ZKSCAN3: variants seen among roughly 807,000 people sequenced by gnomAD.
ZKSCAN3 encodes zinc finger protein with KRAB and SCAN domains 3.
Under a neutral mutation model 30.7 loss-of-function variants are expected in ZKSCAN3, and 21 were observed. The ratio of observed to expected loss-of-function variants is 0.68; its 90% confidence interval spans 0.49 to 0.99. The LOEUF is 0.99. Among genes scored for constraint, ZKSCAN3 ranks in the 50% least tolerant of loss-of-function variants. ZKSCAN3 has a pLI of 0.00. For synonymous variants in ZKSCAN3, 201 were observed against 246.7 expected, an observed-to-expected ratio of 0.81 and a Z score of 1.73; for missense variants, 507 against 647.1, an observed-to-expected ratio of 0.78 and a Z score of 2.35.
Position 28,367,853 on chromosome 6 carries a change from G to C in ZKSCAN3, c.*1568G>C, listed in dbSNP as rs1766028676. The C allele has an allele frequency of 6.6e-6, 1 of 150,942 alleles. No individual in the cohort carries two copies. The highest frequency in any genetic ancestry group is 6.6e-5 in the Admixed American group (1 of 15,088). 9.4% of individuals were successfully genotyped at this position (150,942 alleles called of 1,614,324 possible). A position where few individuals can be genotyped will look rare whatever the true frequency, so the allele number is the denominator to read the frequency against. On this transcript the variant is annotated 3_prime_UTR_variant, in exon 6 of 6. Transcript: ENST00000252211. ...TCCTGCCTCAGCCTCCCGAGTAGCT[G>C]GGACTATAGGCGTCCGCCTCCACGC...
intron 1 of ZKSCAN3, among the ~76,000 whole-genome samples, chr6:28,357,219 G>T (rs1370485647): frequency 6.6e-6 from 1 of 152,224 alleles, no homozygotes; most frequent in Non-Finnish European, 1.5e-5. Flanking sequence ...GCCTATGCCT[G>T]CTTCGCTGCA....
intron 5 of ZKSCAN3, among the ~76,000 whole-genome samples, chr6:28,364,769 C>A (rs1384650986): frequency 6.6e-6 from 1 of 152,236 alleles, no homozygotes; most frequent in Admixed American, 6.5e-5. Context: ...ACTCTGTCGC[C>A]CAGGCTGGAG....
At chr6:28,364,136 A>AT (rs1436638106) in intron 5 of ZKSCAN3, among the ~76,000 whole-genome samples, 4 of 152,008 alleles carry the variant, frequency 2.6e-5, no homozygotes, top group African/African-American at 9.7e-5. Flanking sequence ...CACTTGGCTA[A>AT]TTTTTTAATT....
At position 28,366,157 on chromosome 6, in the gene ZKSCAN3, G is replaced by T; in HGVS notation, c.1489G>T (p.Glu497Ter). ...TTTCACTCAGAATACAGGCCTCATT[G>T]AACATCAAAAAATCCACACTGGTGA... is the stretch of plus-strand genomic sequence containing the variant. ...RSFTQNTGLI[E>*]HQKIHTGEKP... The change falls in exon 6 of 6, where the codon GAA (glutamate) becomes TAA (stop). Residue 497 changes from glutamate (E) to a stop codon, truncating the protein, a stop_gained. Transcript: ENST00000252211. LOFTEE classifies it high-confidence loss of function. 6.3e-7 allele frequency: 1 copy of T among 1,582,024 alleles called. No homozygotes were observed. The highest frequency in any genetic ancestry group is 1.2e-5 in the South Asian group (1 of 86,462).
At chr6:28,358,832 C>T (rs540399946) in intron 1 of ZKSCAN3, among the ~76,000 whole-genome samples, 1 of 147,640 alleles carries the variant, frequency 6.8e-6, no homozygotes, top group African/African-American at 2.5e-5. Context: ...TGCAGCAAGC[C>T]GAGATCATGC....
At chr6:28,361,529 G>A in intron 3 of ZKSCAN3, 58 bp downstream of exon 3, 9 of 1,549,610 alleles carry the variant, frequency 5.8e-6, no homozygotes, top group Non-Finnish European at 7.8e-6. Context: ...TTTCATTTAA[G>A]GATAGCCAAC....
chr6:28,364,364 G>T (rs13214023), intron 5 of ZKSCAN3, among the ~76,000 whole-genome samples: 1 of 152,128 alleles, frequency 6.6e-6, no homozygotes. Flanking sequence ...ATACAACCCC[G>T]AGTACAGGTC....
intron 1 of ZKSCAN3, chr6:28,353,481 T>G (rs1765197344): frequency 6.1e-6 from 1 of 163,948 alleles, no homozygotes; most frequent in Admixed American, 6.0e-5. Context: ...TACTTTTCCC[T>G]CCTAAAATAC....
Position 28,359,728 on chromosome 6 carries a change from C to G in ZKSCAN3, c.142C>G (p.Arg48Gly). The change falls in exon 2 of 6, where the codon CGC becomes GGC. Residue 48 changes from arginine to glycine, a missense_variant. Physicochemically the swap from Arg to Gly is moderately radical, Grantham distance 125. Transcript: ENST00000252211. Reference sequence around the variant, plus strand: ...TCTGGGTTCTGAGGGCTCCCGCGAGCGCTTCCGAGGCTTCCGCTACCCGGA... The same window carrying G: ...TCTGGGTTCTGAGGGCTCCCGCGAGGGCTTCCGAGGCTTCCGCTACCCGGA... ...PDLGSEGSRE[R>G]FRGFRYPEAA... is the part of the protein sequence containing the mutation. 1 of 1,614,104 alleles carries G rather than the reference C, an allele frequency of 6.2e-7. No homozygotes were observed. Among genetic ancestry groups the G allele is most frequent in the Non-Finnish European group, 8.5e-7 (1 of 1,180,030 alleles).
intron 3 of ZKSCAN3, among the ~76,000 whole-genome samples, chr6:28,362,268 G>A (rs1457912723): frequency 2.6e-5 from 4 of 152,168 alleles, no homozygotes; most frequent in Non-Finnish European, 5.9e-5. Flanking sequence ...AATACAATTC[G>A]TATGACAGTG....
intron 2 of ZKSCAN3, 58 bp downstream of exon 2, chr6:28,360,046 G>T (rs1440251722): frequency 1.9e-6 from 3 of 1,613,784 alleles, no homozygotes; most frequent in East Asian, 4.5e-5. Flanking sequence ...TGAAATCCCA[G>T]ATCAGAGTGA....
In ZKSCAN3 at chr6:28,365,490, T is replaced by C. The variant is rs1765922891; in HGVS notation, c.822T>C (p.His274=). ...PPAEELPEKE[H]GKISCHLRED... ...CTGAGGAGCTTCCAGAAAAGGAGCA[T>C]GGGAAGATATCGTGCCACCTGAGAG... The change falls in exon 6 of 6, where the codon CAT becomes CAC. Residue 274 remains histidine (H), a synonymous_variant. Coordinates refer to ENST00000252211, the MANE Select transcript of ZKSCAN3 (RefSeq NM_024493.4). The C allele has an allele frequency of 6.2e-7, 1 of 1,614,006 alleles. No homozygotes were observed. The highest frequency in any genetic ancestry group is 8.5e-7 in the Non-Finnish European group (1 of 1,180,034).
Position 28,359,543 on chromosome 6 carries a change from GC to G in ZKSCAN3, c.-43del. On this transcript the variant is annotated 5_prime_UTR_variant, in exon 2 of 6. Coordinates refer to ENST00000252211, the MANE Select transcript of ZKSCAN3 (RefSeq NM_024493.4). The stretch of plus-strand genomic sequence containing the variant: ...CTTTCAGGGATCTTCTGCAGAAATA[GC>G]GCTGGAAGCTAGAGTGAGGCCTGAG... 4 of 1,581,608 alleles carry G rather than the reference GC, an allele frequency of 2.5e-6. No homozygotes were observed. Among genetic ancestry groups the G allele is most frequent in the Non-Finnish European group, 3.4e-6 (4 of 1,162,902 alleles).
Position 28,363,732 on chromosome 6 carries a change from C to G in ZKSCAN3, c.674C>G (p.Pro225Arg), listed in dbSNP as rs1765853891. 1 of 1,613,912 alleles carries G rather than the reference C, an allele frequency of 6.2e-7. No homozygotes were observed. The highest frequency in any genetic ancestry group is 2.2e-5 in the East Asian group (1 of 44,886). The stretch of plus-strand genomic sequence containing the variant: ...GAAGATGTGGCCCTGACCCTCACCC[C>G]TGAATGGACACAGCAGGATTCATCT... ...KVEDVALTLT[P>R]EWTQQDSSQG... is the part of the protein sequence containing the mutation. The change falls in exon 5 of 6, where the codon CCT becomes CGT. Residue 225 changes from proline to arginine, a missense_variant. By Grantham distance (103) the Pro-to-Arg change is moderately radical (BLOSUM62 -2). Transcript: ENST00000252211.
rs985963325 is a variant in ZKSCAN3 at position 28,367,689 on chromosome 6, C to T, written c.*1404C>T. ...CATCAAAACTTATTCCTGCTAAGTT[C>T]ATACTTTCTCCAGCTCAATGGATTC... On this transcript the variant is annotated 3_prime_UTR_variant, in exon 6 of 6. Coordinates refer to ENST00000252211, the MANE Select transcript of ZKSCAN3 (RefSeq NM_024493.4). 3 of 151,576 alleles carry T rather than the reference C, an allele frequency of 2.0e-5. No individual in the cohort carries two copies. The highest frequency in any genetic ancestry group is 4.4e-5 in the Non-Finnish European group (3 of 67,948). 9.4% of individuals were successfully genotyped at this position (151,576 alleles called of 1,614,324 possible). A position where few individuals can be genotyped will look rare whatever the true frequency, so the allele number is the denominator to read the frequency against.
intron 3 of ZKSCAN3, among the ~76,000 whole-genome samples, chr6:28,362,163 C>A (rs1765794920): frequency 6.6e-6 from 1 of 152,144 alleles, no homozygotes; most frequent in South Asian, 2.1e-4. Context: ...AGTGTGGTGG[C>A]CAGTTAGCTC....
In ZKSCAN3 at chr6:28,366,218, T is replaced by G. The variant is rs1175516819; in HGVS notation, c.1550T>G (p.Phe517Cys). The change falls in exon 6 of 6, where the codon TTC becomes TGC. Residue 517 changes from phenylalanine to cysteine, a missense_variant. Coordinates refer to ENST00000252211, the MANE Select transcript of ZKSCAN3 (RefSeq NM_024493.4). ...CAGTGTAATGCGTGTGGAAAAGGCT[T>G]CACCCGAATTTCATACCTTGTTCAA... ...PYQCNACGKG[F>C]TRISYLVQHQ... 1 of 1,572,040 alleles carries G rather than the reference T, an allele frequency of 6.4e-7. No homozygotes were observed. The highest frequency in any genetic ancestry group is 2.2e-5 in the East Asian group (1 of 44,724).
chr6:28,350,652 T>C (rs948296785), intron 1 of ZKSCAN3, among the ~76,000 whole-genome samples: 1 of 152,194 alleles, frequency 6.6e-6, no homozygotes, highest in Non-Finnish European at 1.5e-5. Context: ...CTTTTATTAG[T>C]GGTACTATTA....
intron 1 of ZKSCAN3, among the ~76,000 whole-genome samples, chr6:28,353,061 C>T (rs1056306058): frequency 5.3e-5 from 8 of 151,456 alleles, no homozygotes; most frequent in South Asian, 4.2e-4. Flanking sequence ...CTCCGCCTTC[C>T]GGGTTCAAGC....
Sources: gnomAD v4.1 joint callset for allele counts (sites outside exome capture counted in the v4.1 genomes callset) on GRCh38, gnomAD v4.1.1 for gene constraint, MANE v1.5 for transcripts, NCBI Gene and HGNC (gene_info 2026-07-23, HGNC 2026-07-21) for gene names.